The following CORO1C variants were observed in gnomAD, a reference collection of about 807,000 sequenced individuals.
CORO1C encodes the protein coronin 1C, also known as coronin-1C.
Under a neutral mutation model 51.2 loss-of-function variants are expected in CORO1C, and 14 were observed. The observed-to-expected ratio is 0.27, with a 90% CI of 0.18 to 0.43. CORO1C has a LOEUF of 0.43. CORO1C is among the 20% of genes least tolerant of loss of function. The pLI is 1.00. For synonymous variants in CORO1C, 181 were observed against 210.5 expected, an observed-to-expected ratio of 0.86 and a Z score of 1.21; for missense variants, 417 against 607.8, an observed-to-expected ratio of 0.69 and a Z score of 3.30.
intron 3 of CORO1C, among the ~76,000 whole-genome samples, chr12:108,673,469 G>A (rs2033791618): frequency 6.6e-6 from 1 of 152,234 alleles, no homozygotes; most frequent in African/African-American, 2.4e-5. Context: ...AGCAAGTGCT[G>A]ATGGAGAAGC....
intron 2 of CORO1C, among the ~76,000 whole-genome samples, chr12:108,683,089 T>C (rs1022388271): frequency 2.6e-5 from 4 of 152,092 alleles, no homozygotes; most frequent in African/African-American, 7.2e-5. Flanking sequence ...CTTGAGAAGT[T>C]AGAAAATGAA....
chr12:108,724,817 T>C (rs1427658040), intron 1 of CORO1C, among the ~76,000 whole-genome samples: 1 of 152,186 alleles, frequency 6.6e-6, no homozygotes, highest in African/African-American at 2.4e-5. Flanking sequence ...ACTCTGACCT[T>C]TGCATTATAT....
At chr12:108,691,909 A>T (rs1332012671) in intron 2 of CORO1C, among the ~76,000 whole-genome samples, 1 of 152,090 alleles carries the variant, frequency 6.6e-6, no homozygotes, top group African/African-American at 2.4e-5. Context: ...ACTGTCATCA[A>T]AAATAGCCCC....
At chr12:108,680,803 C>T (rs760169749) in intron 2 of CORO1C, among the ~76,000 whole-genome samples, 41 of 152,280 alleles carry the variant, frequency 2.7e-4, no homozygotes, top group Non-Finnish European at 4.6e-4. Context: ...GTCTAAGCCA[C>T]GTGGTTTTGC....
chr12:108,731,495 C>T lies in CORO1C; in HGVS notation c.-72G>A, dbSNP rs1485373674. ...TGCAAAGCCGGGCGAAGCCTCCAAC[C>T]GCTGCCGCCTCCAGCCTGGCACTGA... On this transcript the variant is annotated 5_prime_UTR_variant, in exon 1 of 11. Transcript: ENST00000261401. This position sits in a 1 kb window ranked among gnomAD's most constrained non-coding sequence, Gnocchi z 5.2. The T allele has an allele frequency of 6.6e-6, 1 of 151,886 alleles. No homozygotes were observed. Among genetic ancestry groups the T allele is most frequent in the Non-Finnish European group, 1.5e-5 (1 of 68,036 alleles). The allele number at this position is 151,886 out of a possible 1,614,324, so 9.4% of individuals were successfully genotyped here.
chr12:108,714,696 G>A (rs182375111), intron 1 of CORO1C, among the ~76,000 whole-genome samples: 2 of 152,264 alleles, frequency 1.3e-5, no homozygotes, highest in African/African-American at 2.4e-5. Flanking sequence ...CCAGGAGGCA[G>A]AGGTTGCAGT....
At chr12:108,689,223 C>T (rs12581386) in intron 2 of CORO1C, among the ~76,000 whole-genome samples, 1 of 151,956 alleles carries the variant, frequency 6.6e-6, no homozygotes, top group Non-Finnish European at 1.5e-5. Context: ...AAAGATGGAT[C>T]AATCTGATAA....
At chr12:108,722,685 G>C (rs747177416) in intron 1 of CORO1C, among the ~76,000 whole-genome samples, 32 of 152,308 alleles carry the variant, frequency 2.1e-4, no homozygotes, top group Non-Finnish European at 4.1e-4. Context: ...GTTAGACTCT[G>C]GAACACAACC....
intron 2 of CORO1C, among the ~76,000 whole-genome samples, chr12:108,693,315 CAG>C (rs2034562226): frequency 6.6e-6 from 1 of 152,140 alleles, no homozygotes; most frequent in African/African-American, 2.4e-5. Context: ...AGTGAAAAAA[CAG>C]AGACACTGTT....
At chr12:108,694,891 C>T (rs982703066) in intron 2 of CORO1C, among the ~76,000 whole-genome samples, 11 of 152,208 alleles carry the variant, frequency 7.2e-5, no homozygotes, top group Non-Finnish European at 1.5e-4. Flanking sequence ...TGTGAACTAA[C>T]ATTATGAGTC....
At chr12:108,697,995 A>G (rs930947162) in intron 2 of CORO1C, among the ~76,000 whole-genome samples, 1 of 152,236 alleles carries the variant, frequency 6.6e-6, no homozygotes, top group Non-Finnish European at 1.5e-5. Flanking sequence ...ATGGAAGATC[A>G]TTCTATTTTC....
intron 1 of CORO1C, among the ~76,000 whole-genome samples, chr12:108,705,487 G>C (rs2035002510): frequency 9.0e-6 from 1 of 110,516 alleles, no homozygotes; most frequent in Admixed American, 9.4e-5. Context: ...AAAAAAGAAT[G>C]TAAACCAACC....
chr12:108,653,356 A>C (rs572353324), intron 7 of CORO1C, among the ~76,000 whole-genome samples: 2 of 152,352 alleles, frequency 1.3e-5, no homozygotes, highest in East Asian at 3.8e-4. Flanking sequence ...CTGCAGTAAA[A>C]TGGCTTTCAA....
intron 4 of CORO1C, 115 bp from the exon 5 acceptor site, chr12:108,659,034 GAA>G (rs1310090672): frequency 1.2e-5 from 12 of 991,784 alleles, no homozygotes; most frequent in South Asian, 6.0e-5. Context: ...GAGAGAGAGA[GAA>G]AGAGAGAGAG....
At chr12:108,677,068 T>C (rs543629019) in intron 3 of CORO1C, among the ~76,000 whole-genome samples, 1 of 152,324 alleles carries the variant, frequency 6.6e-6, no homozygotes, top group African/African-American at 2.4e-5. Flanking sequence ...TTCCAAACAA[T>C]GTTTCAGTCC....
chr12:108,662,125 A>C lies in CORO1C; in HGVS notation c.352T>G (p.Ser118Ala), dbSNP rs754336284. 18 of 1,613,872 alleles carry C rather than the reference A, an allele frequency of 1.1e-5. No homozygotes were observed. In the South Asian group the frequency reaches 1.6e-4, roughly 15 times the overall value. Residue 118 changes from serine to alanine, a missense_variant, in exon 4 of 11, where the codon TCC becomes GCC. Physicochemically the swap from Ser to Ala is moderately conservative, Grantham distance 99. Transcript: ENST00000261401. ...WQIPENGLTL[S>A]LTEPVVILEG... ...AAAATCACCACAGGTTCAGTCAGGG[A>C]AAGGGTGAGTCCATTTTCTGGGATC...
chr12:108,659,742 A>C (rs567914323), intron 4 of CORO1C, among the ~76,000 whole-genome samples: 43 of 152,322 alleles, frequency 2.8e-4, no homozygotes, highest in African/African-American at 1.0e-3. Context: ...TGGGATATTA[A>C]AGATGGTACA....
rs1216506697 is a variant in CORO1C at position 108,645,312 on chromosome 12, A to C, written c.*2091T>G. On this transcript the variant is annotated 3_prime_UTR_variant, in exon 11 of 11. Coordinates refer to ENST00000261401, the MANE Select transcript of CORO1C (RefSeq NM_014325.4). ...CTACTCTGAGCTTGGCTGGGCATCC[A>C]TTCATTAAATAAGTCATAAGCTACA... is the stretch of plus-strand genomic sequence containing the variant. The C allele has an allele frequency of 6.6e-6, 1 of 151,858 alleles. No homozygotes were observed. The highest frequency in any genetic ancestry group is 2.4e-5 in the African/African-American group (1 of 41,314). The allele number at this position is 151,858 out of a possible 1,614,324, so 9.4% of individuals were successfully genotyped here.
At chr12:108,716,086 G>A (rs896659749) in intron 1 of CORO1C, among the ~76,000 whole-genome samples, 26 of 116,514 alleles carry the variant, frequency 2.2e-4, no homozygotes, top group Non-Finnish European at 1.9e-4. Flanking sequence ...AGCCAAGATC[G>A]CCACTGCACT....
Sources: allele counts gnomAD v4.1 joint callset (sites outside exome capture counted in the v4.1 genomes callset), GRCh38; gene constraint gnomAD v4.1.1; non-coding constraint Gnocchi (gnomAD v3.1); transcripts MANE v1.5; gene names NCBI Gene and HGNC (gene_info 2026-07-23, HGNC 2026-07-21).